The following SCAF4 variants were observed in gnomAD, a reference collection of about 807,000 sequenced individuals.
The protein encoded by SCAF4 is SR-related and CTD-associated factor 4.
A neutral mutation model predicts 129.8 loss-of-function variants in SCAF4; 25 were observed. The observed-to-expected ratio is 0.19, with a 90% confidence interval of 0.14 to 0.27. The LOEUF is 0.27. SCAF4 is among the 10% of genes least tolerant of loss of function. SCAF4 has a pLI of 1.00. For synonymous variants in SCAF4, 551 were observed against 497.7 expected, an observed-to-expected ratio of 1.11 and a Z score of -1.43; for missense variants, 1,246 against 1,457.1, an observed-to-expected ratio of 0.86 and a Z score of 2.36.
chr21:31,708,732 A>G (rs2123619680), intron 1 of SCAF4, among the ~76,000 whole-genome samples: 1 of 152,320 alleles, frequency 6.6e-6, no homozygotes, highest in African/African-American at 2.4e-5. Flanking sequence ...TGAAGAAACT[A>G]GAAACCCTCC....
intron 19 of SCAF4, among the ~76,000 whole-genome samples, chr21:31,681,466 T>C (rs914025530): frequency 6.6e-6 from 1 of 152,188 alleles, no homozygotes; most frequent in Non-Finnish European, 1.5e-5. Flanking sequence ...ATATTAGAGA[T>C]ACATGTTATA....
In SCAF4 at chr21:31,698,440, C is replaced by A. The variant is rs1336608832; in HGVS notation, c.778-1690G>T. Among the ~76,000 whole-genome samples the A allele has an allele frequency of 2.6e-5, 4 of 152,244 alleles. No homozygotes were observed. In the East Asian group the frequency reaches 7.7e-4, roughly 29 times the overall value. On this transcript the variant is annotated intron_variant, in intron 7 of 19. Transcript: ENST00000286835. The stretch of plus-strand genomic sequence containing the variant: ...ATTTACCTATAAATTCAAAGGAATT[C>A]TATACACTGACATAGAAATGTACAG...
At chr21:31,695,618 C>T (rs74876018) in intron 9 of SCAF4, among the ~76,000 whole-genome samples, 1,673 of 152,256 alleles carry the variant, frequency 0.011, 46 homozygotes, top group African/African-American at 0.038. Context: ...ACCCCATCCC[C>T]ATAATTTAGA....
At chr21:31,717,842 T>TAC (rs66498283) in intron 1 of SCAF4, among the ~76,000 whole-genome samples, 41,752 of 113,480 alleles carry the variant, frequency 0.37, 7,972 homozygotes, top group Non-Finnish European at 0.46. Context: ...TATATATATA[T>TAC]ACACACACAC....
At position 31,697,841 on chromosome 21, in the gene SCAF4, T is replaced by C. The variant is rs148997631; in HGVS notation, c.778-1091A>G. On this transcript the variant is annotated intron_variant, in intron 7 of 19. Coordinates refer to ENST00000286835, the MANE Select transcript of SCAF4 (RefSeq NM_020706.2). ...GCTAACTTATGTTTCTTTGTAGTTC[T>C]AGGCCAAGTGAGTAAAGTTCTTACA... 3.3e-5 allele frequency among the ~76,000 whole-genome samples: 5 copies of C among 152,384 alleles called. No homozygotes were observed. The East Asian group carries it at 9.6e-4, about 29-fold the overall frequency.
intron 19 of SCAF4, among the ~76,000 whole-genome samples, chr21:31,675,807 G>A (rs2049839054): frequency 6.6e-6 from 1 of 152,136 alleles, no homozygotes; most frequent in African/African-American, 2.4e-5. Flanking sequence ...AAAAGGGGGT[G>A]GGGAGACACC....
chr21:31,722,995 T>C (rs1003094430), intron 1 of SCAF4, among the ~76,000 whole-genome samples: 3 of 151,886 alleles, frequency 2.0e-5, no homozygotes, highest in South Asian at 4.1e-4. Flanking sequence ...AATACATGGA[T>C]AGTATTGTGA....
chr21:31,700,497 T>C (rs946973079), intron 7 of SCAF4, among the ~76,000 whole-genome samples: 1 of 152,024 alleles, frequency 6.6e-6, no homozygotes, highest in Admixed American at 6.5e-5. Flanking sequence ...TGTAGTGGAA[T>C]ACTATGTATT....
chr21:31,682,556 C>G (rs773236534), intron 19 of SCAF4, among the ~76,000 whole-genome samples: 3 of 152,142 alleles, frequency 2.0e-5, no homozygotes, highest in Admixed American at 6.5e-5. Context: ...GCCTGCCCTA[C>G]AGCAGGCCCC....
intron 8 of SCAF4, 99 bp from the exon 9 acceptor site, chr21:31,696,320 T>G (rs910408317): frequency 1.1e-6 from 1 of 892,774 alleles, no homozygotes; most frequent in African/African-American, 1.7e-5. Flanking sequence ...GTCATTAACA[T>G]TTTACTGAAC....
At chr21:31,707,103 T>G (rs942578819) in intron 1 of SCAF4, among the ~76,000 whole-genome samples, 2 of 152,216 alleles carry the variant, frequency 1.3e-5, no homozygotes, top group Non-Finnish European at 2.9e-5. Context: ...TGGGATGTTG[T>G]ATTATGGGAG....
At chr21:31,705,328 G>A in intron 3 of SCAF4, 95 bp downstream of exon 3, 1 of 593,226 alleles carries the variant, frequency 1.7e-6, no homozygotes, top group Non-Finnish European at 2.9e-6. Context: ...AAATTTTTAT[G>A]AAGTGGTTTA....
In SCAF4 at chr21:31,731,707, G is replaced by T. The variant is rs780162742; in HGVS notation, c.-15C>A. 14 of 1,579,370 alleles carry T rather than the reference G, an allele frequency of 8.9e-6. No individual in the cohort carries two copies. The highest frequency in any genetic ancestry group is 8.6e-7 in the Non-Finnish European group (1 of 1,169,142). ...ACGGCGTCCATGTTCGCGCTGCGGCGGCGGCTGCTCCGGGCCCGCCGGTCA... is the reference window on the plus strand; with the variant it reads ...ACGGCGTCCATGTTCGCGCTGCGGCTGCGGCTGCTCCGGGCCCGCCGGTCA... On this transcript the variant is annotated 5_prime_UTR_variant, in exon 1 of 20. Coordinates refer to ENST00000286835, the MANE Select transcript of SCAF4 (RefSeq NM_020706.2).
rs574108125 is a variant in SCAF4, at chr21:31,714,607, G to A, written c.31-8250C>T. Among the ~76,000 whole-genome samples the A allele has an allele frequency of 8.5e-5, 13 of 152,310 alleles. No individual in the cohort carries two copies. The South Asian group carries it at 2.3e-3, about 27-fold the overall frequency. ...AAGAGTTTCAAGTGAAGATAAAGAA[G>A]AACGAGGGTATCTGGCCTGTGATAC... is the stretch of plus-strand genomic sequence containing the variant. On this transcript the variant is annotated intron_variant, in intron 1 of 19. Coordinates refer to ENST00000286835, the MANE Select transcript of SCAF4 (RefSeq NM_020706.2).
In SCAF4 at chr21:31,671,746, A is replaced by T. The variant is rs377173037; in HGVS notation, c.3097T>A (p.Trp1033Arg). ...RDNSNRDRRE[W>R]GRRSPDRDRH... ...TCCCGGTCAGGGCTCCTCCTTCCCCACTCTCTCCTGTCACGGTTACTATTA... is the reference window on the plus strand; with the variant it reads ...TCCCGGTCAGGGCTCCTCCTTCCCCTCTCTCTCCTGTCACGGTTACTATTA... Residue 1033 changes from tryptophan to arginine, a missense_variant, in exon 20 of 20, where the codon TGG becomes AGG. By Grantham distance (101) the Trp-to-Arg change is moderately radical. Coordinates refer to ENST00000286835, the MANE Select transcript of SCAF4 (RefSeq NM_020706.2). The T allele has an allele frequency of 1.2e-6, 2 of 1,611,596 alleles. No individual in the cohort carries two copies. The highest frequency in any genetic ancestry group is 2.2e-5 in the South Asian group (2 of 90,922).
chr21:31,716,544 T>C (rs1274066501), intron 1 of SCAF4, among the ~76,000 whole-genome samples: 1 of 152,174 alleles, frequency 6.6e-6, no homozygotes, highest in East Asian at 1.9e-4. Context: ...AACTTTTATG[T>C]TTATTAGCAA....
intron 1 of SCAF4, among the ~76,000 whole-genome samples, chr21:31,729,338 C>A (rs979417164): frequency 6.6e-6 from 1 of 152,210 alleles, no homozygotes; most frequent in African/African-American, 2.4e-5. Context: ...TCTTCCCAAG[C>A]CTTCACTTAT....
chr21:31,688,114 C>CAAAA (rs61592268), intron 16 of SCAF4, among the ~76,000 whole-genome samples, 193 bp downstream of exon 16: 368 of 10,910 alleles, frequency 0.034, 73 homozygotes, highest in Non-Finnish European at 0.037. Flanking sequence ...GACTCTGTCT[C>CAAAA]AAAAAAAAAA....
In SCAF4 at chr21:31,671,424, C is replaced by G; in HGVS notation, c.3419G>C (p.Gly1140Ala). ...CTAACGAGGAGCCTCTGCTGCTGAG[C>G]CAGAATCCTTTTCGGGTTCAACGGA... ...TSSVEPEKDS[G>A]SAAEAPR The change falls in exon 20 of 20, where the codon GGC becomes GCC. Residue 1140 changes from glycine (G) to alanine (A), a missense_variant. Transcript: ENST00000286835. 6.2e-7 allele frequency: 1 copy of G among 1,613,930 alleles called. No homozygotes were observed. Among genetic ancestry groups the G allele is most frequent in the Non-Finnish European group, 8.5e-7 (1 of 1,179,886 alleles).
Sources: gnomAD v4.1 joint callset for allele counts (sites outside exome capture counted in the v4.1 genomes callset) on GRCh38, gnomAD v4.1.1 for gene constraint, MANE v1.5 for transcripts, NCBI Gene and HGNC (gene_info 2026-07-23, HGNC 2026-07-21) for gene names.